Variants in FMO5 observed in about 807,000 individuals in gnomAD.
FMO5 encodes the protein flavin-containing monooxygenase 5.
A neutral mutation model predicts 43.6 loss-of-function variants in FMO5; 51 were observed. The ratio of observed to expected loss-of-function variants is 1.17; its 90% CI spans 0.93 to 1.48. FMO5 has a LOEUF of 1.48. Ranked by LOEUF, FMO5 falls within the 40% of genes most tolerant of loss-of-function variation. FMO5 has a pLI of 0.00. For synonymous variants in FMO5, 187 were observed against 216.5 expected (o/e 0.86, Z 1.20); for missense variants, 644 against 643.0 (o/e 1.00, Z -0.02).
At chr1:147,196,262 A>C (rs1657974757) in intron 7 of FMO5, among the ~76,000 whole-genome samples, 1 of 152,152 alleles carries the variant, frequency 6.6e-6, no homozygotes, top group African/African-American at 2.4e-5. Flanking sequence ...ATGTGTTTTT[A>C]CATTTTAGCC....
chr1:147,201,105 A>G, intron 7 of FMO5, 47 bp downstream of exon 7: 1 of 1,370,126 alleles, frequency 7.3e-7, no homozygotes. Flanking sequence ...AAACAGAGGT[A>G]AACATATCAC....
rs781804702 is a variant in FMO5 at position 147,215,746 on chromosome 1, T to C, written c.324+8A>G. On this transcript the variant is annotated splice_region_variant and intron_variant, in intron 3 of 8. Coordinates refer to ENST00000254090, the MANE Select transcript of FMO5 (RefSeq NM_001461.4). ...TTCAAACACAAAGATACCCACACAA[T>C]TTTCTACCTTAAATCGAATATACTT... The C allele has an allele frequency of 6.3e-7, 1 of 1,583,716 alleles. No individual in the cohort carries two copies. The highest frequency in any genetic ancestry group is 2.2e-5 in the East Asian group (1 of 44,456).
At chr1:147,210,841 G>GATTT (rs1660956970) in intron 5 of FMO5, 1 of 151,944 alleles carries the variant, frequency 6.6e-6, no homozygotes, top group Non-Finnish European at 1.5e-5. Flanking sequence ...TTACAAATCA[G>GATTT]ATTTATAAGG....
Position 147,219,141 on chromosome 1 carries a change from A to AT in FMO5, c.136-3200dup, listed in dbSNP as rs587602817. 1.1e-4 allele frequency among the ~76,000 whole-genome samples: 16 copies of AT among 152,330 alleles called. No homozygotes were observed. In the South Asian group the frequency reaches 3.3e-3, roughly 32 times the overall value. On this transcript the variant is annotated intron_variant, in intron 2 of 8. Transcript: ENST00000254090. Reference sequence around the variant, plus strand: ...GAATTTGGAGACACCAAAAACTATGATTTTGAAGTCTGTGCAGGAACATTA... The same window carrying AT: ...GAATTTGGAGACACCAAAAACTATGATTTTTGAAGTCTGTGCAGGAACATTA...
In FMO5 at chr1:147,187,116, G is replaced by C. The variant is rs370720513; in HGVS notation, c.1386C>G (p.His462Gln). 1.3e-5 allele frequency: 21 copies of C among 1,614,118 alleles called. No homozygotes were observed. The highest frequency in any genetic ancestry group is 1.8e-5 in the Non-Finnish European group (21 of 1,180,014). The change falls in exon 9 of 9, where the codon CAC (histidine) becomes CAG (glutamine). Residue 462 changes from histidine (H) to glutamine (Q), a missense_variant. Transcript: ENST00000254090. ...LAFTDPKLAL[H>Q]LLLGPCTPIH... ...TTGGAGTGCAGGGTCCCAGTAATAA[G>C]TGTAATGCCAGCTTGGGGTCAGTGA...
At chr1:147,190,025 C>T (rs1656394453) in intron 8 of FMO5, 152 bp downstream of exon 8, 3 of 533,848 alleles carry the variant, frequency 5.6e-6, no homozygotes, top group Non-Finnish European at 9.7e-6. Flanking sequence ...GCTATTTCTC[C>T]ATTCTATTGT....
chr1:147,212,541 A>C lies in FMO5; in HGVS notation c.488-6T>G. 1 of 1,609,402 alleles carries C rather than the reference A, an allele frequency of 6.2e-7. No homozygotes were observed. The highest frequency in any genetic ancestry group is 8.5e-7 in the Non-Finnish European group (1 of 1,178,166). ...CCCTTTGAACTTCTCAATTCCTGCAAGAGAAGGGAAAATAATTATTGGGTA... is the reference window on the plus strand; with the variant it reads ...CCCTTTGAACTTCTCAATTCCTGCACGAGAAGGGAAAATAATTATTGGGTA... On this transcript the variant is annotated splice_region_variant and splice_polypyrimidine_tract_variant and intron_variant, in intron 4 of 8. Coordinates refer to ENST00000254090, the MANE Select transcript of FMO5 (RefSeq NM_001461.4).
intron 2 of FMO5, among the ~76,000 whole-genome samples, chr1:147,218,439 T>C (rs1328570501): frequency 3.3e-5 from 5 of 151,986 alleles, no homozygotes; most frequent in African/African-American, 7.3e-5. Context: ...GGTTTCACCA[T>C]GTTAGCCAGG....
In FMO5 at chr1:147,186,637, A is replaced by G. The variant is rs1655664404; in HGVS notation, c.*263T>C. On this transcript the variant is annotated 3_prime_UTR_variant, in exon 9 of 9. Coordinates refer to ENST00000254090, the MANE Select transcript of FMO5 (RefSeq NM_001461.4). ...GTCAAGAACTCTGCTAAAGACATAC[A>G]AAGATGACTAAAAGAGTACCTGAGC... is the stretch of plus-strand genomic sequence containing the variant. The G allele has an allele frequency of 1.6e-6, 2 of 1,248,602 alleles. No homozygotes were observed. Among genetic ancestry groups the G allele is most frequent in the Non-Finnish European group, 2.0e-6 (2 of 992,954 alleles). The allele number at this position is 1,248,602 out of a possible 1,614,324, so 77.3% of individuals were successfully genotyped here.
At chr1:147,215,442 A>G (rs1399245471) in intron 3 of FMO5, 1 of 254,388 alleles carries the variant, frequency 3.9e-6, no homozygotes, top group Non-Finnish European at 7.5e-6. Flanking sequence ...CATACCTATC[A>G]GTTCCCTTCT....
Position 147,212,499 on chromosome 1 carries a change from C to T in FMO5, c.524G>A (p.Arg175Gln), listed in dbSNP as rs782690948. 1.6e-4 allele frequency: 255 copies of T among 1,613,804 alleles called. No homozygotes were observed. Among genetic ancestry groups the T allele is most frequent in the East Asian group, 2.5e-4 (11 of 44,876 alleles). ...EKFKGQYFHS[R>Q]DYKNPEGFTG... ...GAATCCCTCTGGGTTCTTATAGTCTCGACTGTGGAAGTACTGCCCTTTGAA... is the reference window on the plus strand; with the variant it reads ...GAATCCCTCTGGGTTCTTATAGTCTTGACTGTGGAAGTACTGCCCTTTGAA... The change falls in exon 5 of 9, where the codon CGA becomes CAA. Residue 175 changes from arginine (R) to glutamine (Q), a missense_variant. Coordinates refer to ENST00000254090, the MANE Select transcript of FMO5 (RefSeq NM_001461.4).
chr1:147,191,165 G>A (rs1198686579), intron 7 of FMO5, among the ~76,000 whole-genome samples: 1 of 152,120 alleles, frequency 6.6e-6, no homozygotes, highest in African/African-American at 2.4e-5. Context: ...TGTCTTTATA[G>A]CAGCATGATT....
intron 2 of FMO5, among the ~76,000 whole-genome samples, chr1:147,221,127 G>A (rs587714810): frequency 7.2e-6 from 1 of 139,486 alleles, no homozygotes; most frequent in South Asian, 2.3e-4. Context: ...AAACTATCAA[G>A]GGCATCAAAA....
At chr1:147,210,617 T>C (rs143348406) in intron 5 of FMO5, 1 of 152,320 alleles carries the variant, frequency 6.6e-6, no homozygotes, top group African/African-American at 2.4e-5. Flanking sequence ...ATATAACTTC[T>C]GCTGAGTAAT....
rs587719919 is a variant in FMO5, at chr1:147,186,418, C to T, written c.*482G>A. On this transcript the variant is annotated 3_prime_UTR_variant, in exon 9 of 9. Coordinates refer to ENST00000254090, the MANE Select transcript of FMO5 (RefSeq NM_001461.4). ...TAGATACATACAACTATTGTAGGAA[C>T]ATTATTTCTCTTATCTCTCAGGAAA... 1.1e-6 allele frequency: 1 copy of T among 906,938 alleles called. No individual in the cohort carries two copies. The highest frequency in any genetic ancestry group is 1.8e-5 in the African/African-American group (1 of 55,662). The allele number at this position is 906,938 out of a possible 1,614,324, so 56.2% of individuals were successfully genotyped here.
chr1:147,208,607 T>C (rs1448847377), intron 6 of FMO5: 2 of 343,508 alleles, frequency 5.8e-6, no homozygotes, highest in East Asian at 1.4e-4. Flanking sequence ...ACCTGGCTAA[T>C]TTTGTGTTTT....
chr1:147,187,842 G>C (rs1553917548), intron 8 of FMO5, among the ~76,000 whole-genome samples: 1 of 152,202 alleles, frequency 6.6e-6, no homozygotes, highest in Non-Finnish European at 1.5e-5. Flanking sequence ...AGGGGAAAAT[G>C]TGGTTGATTA....
intron 2 of FMO5, 61 bp from the exon 3 acceptor site, chr1:147,216,003 C>T: frequency 3.1e-6 from 4 of 1,296,954 alleles, no homozygotes; most frequent in Non-Finnish European, 3.2e-6. Flanking sequence ...TTATAATAGC[C>T]AATAGACATC....
intron 7 of FMO5, among the ~76,000 whole-genome samples, chr1:147,193,090 G>A (rs1393755304): frequency 1.3e-5 from 2 of 152,146 alleles, no homozygotes; most frequent in African/African-American, 4.8e-5. Context: ...AATGGTACCA[G>A]CTCCTCTTTG....
Sources: allele counts gnomAD v4.1 joint callset (sites outside exome capture counted in the v4.1 genomes callset), GRCh38; gene constraint gnomAD v4.1.1; transcripts MANE v1.5; gene names NCBI Gene and HGNC (gene_info 2026-07-23, HGNC 2026-07-21).